PRKN: variants seen among roughly 807,000 people sequenced by gnomAD.
PRKN encodes parkin RBR E3 ubiquitin protein ligase.
PRKN carries 56 observed loss-of-function variants against 59.5 expected under a neutral mutation model. The observed-to-expected ratio is 0.94, with a 90% CI of 0.76 to 1.18. The LOEUF (loss-of-function observed/expected upper bound fraction) is 1.18, where lower values mean the gene tolerates loss of function less well. Among genes scored for constraint, PRKN ranks in the 50% most tolerant of loss-of-function variants. PRKN has a pLI of 0.00. For synonymous variants in PRKN, 250 were observed against 222.1 expected (o/e 1.13, Z -1.12); for missense variants, 657 against 596.4 (o/e 1.10, Z -1.06).
intron 1 of PRKN, among the ~76,000 whole-genome samples, chr6:162,707,128 AGC>A (rs1562513490): frequency 8.5e-5 from 13 of 152,068 alleles, no homozygotes; most frequent in East Asian, 3.9e-4. Context: ...ATGAGAAAAA[AGC>A]AGAGTTTCCC....
rs768778208 is a variant in PRKN, at chr6:161,588,893, T to C, written c.872-19477A>G. Among the ~76,000 whole-genome samples, 6 of 152,200 alleles carry C rather than the reference T, an allele frequency of 3.9e-5. No homozygotes were observed. Among genetic ancestry groups the C allele is most frequent in the Non-Finnish European group, 8.8e-5 (6 of 68,034 alleles). ...CAGTAAAGTACCAAGTCCTTTTTTT[T>C]TAGCCTAAGCCTGACCCAGATATTT... is the stretch of plus-strand genomic sequence containing the variant. On this transcript the variant is annotated intron_variant, in intron 7 of 11. Coordinates refer to ENST00000366898, the MANE Select transcript of PRKN (RefSeq NM_004562.3). This position sits in a 1 kb window ranked among gnomAD's most constrained non-coding sequence, Gnocchi z 5.0.
At chr6:162,384,118 T>C (rs1786650559) in intron 2 of PRKN, among the ~76,000 whole-genome samples, 1 of 152,232 alleles carries the variant, frequency 6.6e-6, no homozygotes, top group Non-Finnish European at 1.5e-5. Context: ...ATATTATTTA[T>C]GTGTTCACTG....
At position 161,402,240 on chromosome 6, in the gene PRKN, A is replaced by G. The variant is rs1787083800; in HGVS notation, c.1084-15363T>C. Among the ~76,000 whole-genome samples the G allele has an allele frequency of 6.6e-6, 1 of 152,212 alleles. No homozygotes were observed. The highest frequency in any genetic ancestry group is 6.5e-5 in the Admixed American group (1 of 15,280). On this transcript the variant is annotated intron_variant, in intron 9 of 11. Coordinates refer to ENST00000366898, the MANE Select transcript of PRKN (RefSeq NM_004562.3). The surrounding 1 kb of genome is among the most constrained non-coding windows in gnomAD (Gnocchi z 4.5). ...GACCTGAAAAATGCTATCTCCCAGC[A>G]ACATGCACACCTTGCAGTGTCTTAT...
intron 1 of PRKN, among the ~76,000 whole-genome samples, chr6:162,704,776 G>A (rs753372949): frequency 2.0e-5 from 3 of 152,010 alleles, no homozygotes; most frequent in Admixed American, 6.6e-5. Context: ...AGATGGGTCC[G>A]GTGGGCTCTA....
intron 9 of PRKN, among the ~76,000 whole-genome samples, chr6:161,510,912 C>G (rs954221151): frequency 6.6e-6 from 1 of 152,054 alleles, no homozygotes; most frequent in East Asian, 1.9e-4. Context: ...CCGTATTGAG[C>G]GTGGATAAGG....
At chr6:161,998,274 G>C (rs953130522) in intron 5 of PRKN, among the ~76,000 whole-genome samples, 13 of 152,002 alleles carry the variant, frequency 8.6e-5, no homozygotes, top group African/African-American at 2.9e-4. Context: ...AACACACAAA[G>C]TAGATACACT....
At chr6:161,735,770 CT>C (rs1346382085) in intron 7 of PRKN, among the ~76,000 whole-genome samples, 1 of 151,986 alleles carries the variant, frequency 6.6e-6, no homozygotes, top group Non-Finnish European at 1.5e-5. Flanking sequence ...CAAAAATTAG[CT>C]GGGTGTGATG....
chr6:162,613,860 G>T (rs2128219420), intron 1 of PRKN, among the ~76,000 whole-genome samples: 1 of 152,112 alleles, frequency 6.6e-6, no homozygotes, highest in Admixed American at 6.5e-5. Context: ...CATTATCTCA[G>T]AAATAAATGT....
chr6:161,463,812 A>T lies in PRKN; in HGVS notation c.1084-76935T>A, dbSNP rs1458474882. Among the ~76,000 whole-genome samples, 1 of 152,194 alleles carries T rather than the reference A, an allele frequency of 6.6e-6. No individual in the cohort carries two copies. Among genetic ancestry groups the T allele is most frequent in the Non-Finnish European group, 1.5e-5 (1 of 68,036 alleles). On this transcript the variant is annotated intron_variant, in intron 9 of 11. Coordinates refer to ENST00000366898, the MANE Select transcript of PRKN (RefSeq NM_004562.3). This position sits in a 1 kb window ranked among gnomAD's most constrained non-coding sequence, Gnocchi z 4.8. ...TAGTGATCACTTTTCCAACATTTCC[A>T]TCCAAATTTTGGAAGCACCTAAATC...
chr6:162,227,380 T>A (rs1229614798), intron 3 of PRKN, among the ~76,000 whole-genome samples: 2 of 151,702 alleles, frequency 1.3e-5, no homozygotes, highest in Non-Finnish European at 2.9e-5. Context: ...TTTAGCTACT[T>A]TTTTTTTCTC....
At chr6:162,445,513 C>G (rs1029307882) in intron 1 of PRKN, among the ~76,000 whole-genome samples, 1 of 151,264 alleles carries the variant, frequency 6.6e-6, no homozygotes, top group Non-Finnish European at 1.5e-5. Flanking sequence ...AAAGTGAGAC[C>G]CCATCTCTAC....
chr6:162,385,293 G>A (rs143495754), intron 2 of PRKN, among the ~76,000 whole-genome samples: 145 of 152,094 alleles, frequency 9.5e-4, no homozygotes, highest in African/African-American at 3.4e-3. Context: ...ACCCCTGTAC[G>A]CCCAACATGG....
intron 7 of PRKN, among the ~76,000 whole-genome samples, chr6:161,779,413 CTTT>C (rs1049372571): frequency 1.1e-5 from 1 of 90,908 alleles, no homozygotes; most frequent in Admixed American, 1.1e-4. Flanking sequence ...CCTTTCTTTT[CTTT>C]TTTTTCTCTT....
intron 2 of PRKN, among the ~76,000 whole-genome samples, chr6:162,390,613 G>C (rs559308561): frequency 2.4e-4 from 36 of 151,708 alleles, no homozygotes; most frequent in African/African-American, 8.7e-4. Flanking sequence ...GCTAATATTT[G>C]TATTTTTTTA....
At chr6:162,626,656 T>C (rs1285339687) in intron 1 of PRKN, among the ~76,000 whole-genome samples, 2 of 151,700 alleles carry the variant, frequency 1.3e-5, no homozygotes, top group African/African-American at 2.4e-5. Flanking sequence ...CTACTAAAAA[T>C]ACAAAAAAAT....
At position 162,721,626 on chromosome 6, in the gene PRKN, A is replaced by T. The variant is rs144306872; in HGVS notation, c.7+6036T>A. On this transcript the variant is annotated intron_variant, in intron 1 of 11. Transcript: ENST00000366898. ...CACTGGGAAACAGCTGGATCTTCCA[A>T]GCTCTATAGGCTGAGTTTTCCAGTA... 4.9e-3 allele frequency among the ~76,000 whole-genome samples: 741 copies of T among 152,280 alleles called. 7 individuals carry two copies. Among genetic ancestry groups the T allele is most frequent in the African/African-American group, 0.017 (686 of 41,566 alleles).
intron 7 of PRKN, among the ~76,000 whole-genome samples, chr6:161,706,109 C>T (rs571783745): frequency 6.6e-6 from 1 of 152,022 alleles, no homozygotes; most frequent in Non-Finnish European, 1.5e-5. Flanking sequence ...CCTTTCCCCC[C>T]ACATCCTCAA....
rs989757495 is a variant in PRKN, at chr6:161,466,789, G to A, written c.1084-79912C>T. On this transcript the variant is annotated intron_variant, in intron 9 of 11. Coordinates refer to ENST00000366898, the MANE Select transcript of PRKN (RefSeq NM_004562.3). This position sits in a 1 kb window ranked among gnomAD's most constrained non-coding sequence, Gnocchi z 5.0. ...AGATTTATTTCAAAGCTGTCAAGTAGAGCCCAAAAAGAGTGGAATCTCAGG... is the reference window on the plus strand; with the variant it reads ...AGATTTATTTCAAAGCTGTCAAGTAAAGCCCAAAAAGAGTGGAATCTCAGG... 6.6e-6 allele frequency among the ~76,000 whole-genome samples: 1 copy of A among 152,098 alleles called. No homozygotes were observed. Among genetic ancestry groups the A allele is most frequent in the African/African-American group, 2.4e-5 (1 of 41,410 alleles).
chr6:161,877,528 C>G (rs1442883986), intron 6 of PRKN, among the ~76,000 whole-genome samples: 2 of 150,730 alleles, frequency 1.3e-5, no homozygotes, highest in East Asian at 3.9e-4. Context: ...GGCGCGATCT[C>G]AGCTCACTGC....
Sources: gnomAD v4.1 joint callset for allele counts (sites outside exome capture counted in the v4.1 genomes callset) on GRCh38, gnomAD v4.1.1 for gene constraint, Gnocchi (gnomAD v3.1) non-coding constraint, MANE v1.5 for transcripts, NCBI Gene and HGNC (gene_info 2026-07-23, HGNC 2026-07-21) for gene names.